The following HECW1 variants were observed in gnomAD, a reference collection of about 807,000 sequenced individuals.
HECW1 encodes the protein HECT, C2 and WW domain containing E3 ubiquitin protein ligase 1, also known as E3 ubiquitin-protein ligase HECW1.
HECW1 carries 61 observed loss-of-function variants against 182.3 expected under a neutral mutation model. The ratio of observed to expected loss-of-function variants is 0.33; its 90% CI spans 0.27 to 0.41. The LOEUF is 0.41. Ranked by LOEUF, HECW1 falls within the 10% of genes least tolerant of loss-of-function variation. The pLI, the probability that HECW1 is intolerant of heterozygous loss-of-function variation, is 1.00. For missense variants in HECW1, 1,739 were observed against 2,108.9 expected, an observed-to-expected ratio of 0.82 and a Z score of 3.44; for synonymous variants, 859 against 832.6, an observed-to-expected ratio of 1.03 and a Z score of -0.55.
chr7:43,157,760 C>T (rs888635248), intron 2 of HECW1, among the ~76,000 whole-genome samples: 8 of 152,272 alleles, frequency 5.3e-5, no homozygotes, highest in Middle Eastern at 3.4e-3. Context: ...GGGGTTTCGC[C>T]GCATTGCCCA....
At chr7:43,411,450 T>A (rs1337585284) in intron 8 of HECW1, among the ~76,000 whole-genome samples, 1 of 152,198 alleles carries the variant, frequency 6.6e-6, no homozygotes, top group East Asian at 1.9e-4. Flanking sequence ...AGAATGTATA[T>A]TCTCCTATTG....
At chr7:43,494,807 C>G (rs370170018) in intron 19 of HECW1, among the ~76,000 whole-genome samples, 4 of 152,278 alleles carry the variant, frequency 2.6e-5, no homozygotes, top group African/African-American at 9.6e-5. Flanking sequence ...AGCCACCTCA[C>G]CCAGCCTAAA....
chr7:43,432,385 C>A lies in HECW1; in HGVS notation c.802-5618C>A, dbSNP rs563213890. 6.6e-6 allele frequency among the ~76,000 whole-genome samples: 1 copy of A among 152,014 alleles called. No individual in the cohort carries two copies. The highest frequency in any genetic ancestry group is 1.5e-5 in the Non-Finnish European group (1 of 67,996). On this transcript the variant is annotated intron_variant, in intron 8 of 29. Transcript: ENST00000395891. The surrounding 1 kb of genome is among the most constrained non-coding windows in gnomAD (Gnocchi z 4.1). ...CGATCTCCTGACCTCGTGATCCGCC[C>A]GCCTCGGCCTCCCAAAGTGCTGGGA...
intron 5 of HECW1, among the ~76,000 whole-genome samples, chr7:43,359,519 A>G (rs948960559): frequency 3.9e-5 from 6 of 152,246 alleles, no homozygotes; most frequent in African/African-American, 1.4e-4. Context: ...GTTGTTCTGT[A>G]TAATAAGTAA....
chr7:43,206,337 A>G (rs1188717280), intron 2 of HECW1, among the ~76,000 whole-genome samples: 2 of 152,184 alleles, frequency 1.3e-5, no homozygotes, highest in Non-Finnish European at 2.9e-5. Context: ...TTAGGAAGAC[A>G]GGGGAGAGGA....
chr7:43,149,441 A>T (rs1019490871), intron 2 of HECW1, among the ~76,000 whole-genome samples: 1 of 152,236 alleles, frequency 6.6e-6, no homozygotes, highest in African/African-American at 2.4e-5. Flanking sequence ...ATCCTGAGAG[A>T]CAAGGAAAGG....
Position 43,444,346 on chromosome 7 carries a change from A to G in HECW1, c.1174A>G (p.Lys392Glu), listed in dbSNP as rs747436165. The G allele has an allele frequency of 5.0e-6, 8 of 1,614,172 alleles. No individual in the cohort carries two copies. Among genetic ancestry groups the G allele is most frequent in the South Asian group, 2.2e-5 (2 of 91,086 alleles). Residue 392 changes from lysine to glutamate, a missense_variant, in exon 11 of 30, where the codon AAG becomes GAG. Lys to Glu is a moderately conservative substitution (Grantham distance 56, BLOSUM62 1). Coordinates refer to ENST00000395891, the MANE Select transcript of HECW1 (RefSeq NM_015052.5). This position sits in a 1 kb window ranked among gnomAD's most constrained non-coding sequence, Gnocchi z 4.3. ...SEAPESSESW[K>E]PEQLGEGSVP... ...GGCACCAGAGTCCTCTGAGAGCTGG[A>G]AGCCAGAGCAGCTGGGTGAGGGCAG...
chr7:43,462,887 G>C (rs1263617927), intron 13 of HECW1, among the ~76,000 whole-genome samples: 1 of 152,210 alleles, frequency 6.6e-6, no homozygotes, highest in East Asian at 1.9e-4. Flanking sequence ...CTCCTCATCT[G>C]TGTCCCACAT....
chr7:43,271,802 T>C (rs578151703), intron 3 of HECW1, among the ~76,000 whole-genome samples: 1 of 152,234 alleles, frequency 6.6e-6, no homozygotes, highest in South Asian at 2.1e-4. Flanking sequence ...ACAACACTAT[T>C]CTTATCAAAC....
intron 6 of HECW1, among the ~76,000 whole-genome samples, chr7:43,382,961 G>A (rs1026334547): frequency 2.0e-5 from 3 of 152,208 alleles, no homozygotes; most frequent in Admixed American, 2.0e-4. Context: ...GCCCCAGTGT[G>A]TGATGTTCCC....
chr7:43,456,166 G>T (rs1258558109), intron 12 of HECW1, 131 bp from the exon 13 acceptor site: 2 of 806,756 alleles, frequency 2.5e-6, no homozygotes, highest in Non-Finnish European at 3.8e-6. Context: ...CAGGTGCTGT[G>T]GGCAGGGTCT....
At chr7:43,454,486 C>T (rs2077335907) in intron 12 of HECW1, among the ~76,000 whole-genome samples, 1 of 152,202 alleles carries the variant, frequency 6.6e-6, no homozygotes, top group Non-Finnish European at 1.5e-5. Context: ...TTACCATTTA[C>T]ACTTAACACT....
intron 2 of HECW1, among the ~76,000 whole-genome samples, chr7:43,172,307 A>T (rs534955290): frequency 5.3e-5 from 8 of 152,036 alleles, no homozygotes; most frequent in Admixed American, 3.3e-4. Context: ...ATAAATAAAT[A>T]AAATAAAATA....
At chr7:43,190,907 G>A (rs1325843072) in intron 2 of HECW1, among the ~76,000 whole-genome samples, 1 of 152,160 alleles carries the variant, frequency 6.6e-6, no homozygotes, top group African/African-American at 2.4e-5. Flanking sequence ...TCCCAAACTG[G>A]AGTCTGTCTC....
At chr7:43,319,840 T>G (rs959866781) in intron 4 of HECW1, among the ~76,000 whole-genome samples, 20 of 148,374 alleles carry the variant, frequency 1.3e-4, no homozygotes, top group African/African-American at 5.1e-4. Context: ...CTCGAACTGC[T>G]GACCTCAGGT....
At chr7:43,537,974 G>A (rs2081237952) in intron 24 of HECW1, among the ~76,000 whole-genome samples, 1 of 152,306 alleles carries the variant, frequency 6.6e-6, no homozygotes, top group East Asian at 1.9e-4. Flanking sequence ...CTGGTTGAGA[G>A]GCATGCAACA....
chr7:43,240,435 C>T (rs1181186106), intron 2 of HECW1, among the ~76,000 whole-genome samples: 1 of 152,154 alleles, frequency 6.6e-6, no homozygotes, highest in East Asian at 1.9e-4. Context: ...TCAAAAAATC[C>T]TCCACTTATC....
chr7:43,488,420 GAGAAAGAAAGAAAGAGAA>G (rs1281019573), intron 17 of HECW1, among the ~76,000 whole-genome samples: 47 of 63,412 alleles, frequency 7.4e-4, no homozygotes, highest in African/African-American at 2.0e-3. Flanking sequence ...AAGAGAGAGA[GAGAAAGAAAGAAAGAGAA>G]AGAAAGAAAG....
At chr7:43,157,439 A>G in intron 2 of HECW1, among the ~76,000 whole-genome samples, 1 of 152,368 alleles carries the variant, frequency 6.6e-6, no homozygotes. Flanking sequence ...TTTTGACTGT[A>G]ATATTCAGAT....
Sources: allele counts gnomAD v4.1 joint callset (sites outside exome capture counted in the v4.1 genomes callset), GRCh38; gene constraint gnomAD v4.1.1; non-coding constraint Gnocchi (gnomAD v3.1); transcripts MANE v1.5; gene names NCBI Gene and HGNC (gene_info 2026-07-23, HGNC 2026-07-21).